The following CHCHD7 variants were observed in gnomAD, a reference collection of about 807,000 sequenced individuals.
CHCHD7 encodes coiled-coil-helix-coiled-coil-helix domain containing 7, also known as coiled-coil-helix-coiled-coil-helix domain-containing protein 7.
CHCHD7 carries 7 observed loss-of-function variants against 10.5 expected under a neutral mutation model. That is an observed-to-expected ratio of 0.67 (90% CI 0.38 to 1.25). The LOEUF is 1.25. Among genes scored for constraint, CHCHD7 ranks in the 50% most tolerant of loss-of-function variants. CHCHD7 has a pLI of 0.02. For synonymous variants in CHCHD7, 40 were observed against 36.0 expected, an observed-to-expected ratio of 1.11 and a Z score of -0.40; for missense variants, 100 against 104.5, an observed-to-expected ratio of 0.96 and a Z score of 0.19.
chr8:56,216,854 G>C (rs565445497), intron 3 of CHCHD7: 2 of 613,902 alleles, frequency 3.3e-6, no homozygotes, highest in East Asian at 6.0e-5. Context: ...AACTTCCCTT[G>C]TCATAACACA....
chr8:56,218,122 G>A lies in CHCHD7; in HGVS notation c.*687G>A, dbSNP rs887763102. ...TCTGTGATTAAAATCCTTAAATATT[G>A]GGTTGCCTTCTGCAGCTGTAGTATC... On this transcript the variant is annotated 3_prime_UTR_variant, in exon 4 of 4. Transcript: ENST00000355315. The A allele has an allele frequency of 4.4e-6, 1 of 227,888 alleles. No individual in the cohort carries two copies. The highest frequency in any genetic ancestry group is 8.7e-6 in the Non-Finnish European group (1 of 114,800). 14.1% of individuals were successfully genotyped at this position (227,888 alleles called of 1,614,324 possible).
At chr8:56,214,110 C>T (rs1013173834) in intron 1 of CHCHD7, 1 of 152,298 alleles carries the variant, frequency 6.6e-6, no homozygotes, top group African/African-American at 2.4e-5. Flanking sequence ...GGGTCTCTCT[C>T]TGTCACCCAG....
rs1813464094 is a variant in CHCHD7 at position 56,218,051 on chromosome 8, AAAAG to A, written c.*619_*622del. ...GGGTTTTTCTAAATAAATGACATAA[AAAAG>A]AACTGGTTGTCTTTCTTTAAAGAAA... is the stretch of plus-strand genomic sequence containing the variant. On this transcript the variant is annotated 3_prime_UTR_variant, in exon 4 of 4. Transcript: ENST00000355315. 8.7e-6 allele frequency: 2 copies of A among 229,118 alleles called. No homozygotes were observed. Among genetic ancestry groups the A allele is most frequent in the Non-Finnish European group, 1.7e-5 (2 of 115,516 alleles). 14.2% of individuals were successfully genotyped at this position (229,118 alleles called of 1,614,324 possible).
chr8:56,212,700 A>C, intron 1 of CHCHD7: 1 of 616,862 alleles, frequency 1.6e-6, no homozygotes. Flanking sequence ...TTAGCGGAGC[A>C]CTCGATGTTG....
intron 2 of CHCHD7, chr8:56,214,952 C>G (rs1184352103): frequency 3.6e-6 from 1 of 276,966 alleles, no homozygotes; most frequent in Non-Finnish European, 6.9e-6. Flanking sequence ...TTAGTCCAAA[C>G]ATGGAAAACT....
intron 1 of CHCHD7, chr8:56,214,329 C>T: frequency 4.1e-6 from 1 of 244,786 alleles, no homozygotes; most frequent in South Asian, 1.1e-4. Flanking sequence ...CTCCAGCCTC[C>T]CAAAGTGCTG....
intron 2 of CHCHD7, 145 bp from the exon 3 acceptor site, chr8:56,216,288 A>C: frequency 7.8e-7 from 1 of 1,275,522 alleles, no homozygotes; most frequent in Non-Finnish European, 1.1e-6. Context: ...GAGATTGTCC[A>C]GTTTTTATTA....
intron 2 of CHCHD7, 159 bp downstream of exon 2, chr8:56,214,826 G>T: frequency 1.2e-5 from 6 of 503,686 alleles, no homozygotes; most frequent in East Asian, 6.0e-5. Context: ...ATTTTTAGAT[G>T]TTTATAATTT....
At chr8:56,216,705 G>C (rs1284164009) in intron 3 of CHCHD7, 174 bp downstream of exon 3, 30 of 751,636 alleles carry the variant, frequency 4.0e-5, no homozygotes, top group Non-Finnish European at 6.3e-5. Context: ...GAGAGCTCTT[G>C]TTAGCTGCCT....
rs1450624468 is a variant in CHCHD7 at position 56,218,591 on chromosome 8, T to G, written c.*1156T>G. 4.9e-6 allele frequency: 1 copy of G among 204,394 alleles called. No individual in the cohort carries two copies. Among genetic ancestry groups the G allele is most frequent in the African/African-American group, 2.3e-5 (1 of 43,692 alleles). 12.7% of individuals were successfully genotyped at this position (204,394 alleles called of 1,614,324 possible). On this transcript the variant is annotated 3_prime_UTR_variant, in exon 4 of 4. Transcript: ENST00000355315. ...ACCTTGATTGTTAAATGTAGTTATA[T>G]TTGAATAAAAAATGAATCATTTCCA...
In CHCHD7 at chr8:56,217,348, G is replaced by A. The variant is rs36092278; in HGVS notation, c.171G>A (p.Gln57=). The A allele has an allele frequency of 6.2e-7, 1 of 1,609,444 alleles. No individual in the cohort carries two copies. Among genetic ancestry groups the A allele is most frequent in the African/African-American group, 1.3e-5 (1 of 74,816 alleles). Residue 57 remains glutamine (Q), a synonymous_variant, in exon 4 of 4, where the codon CAG becomes CAA. Transcript: ENST00000355315. The part of the protein sequence containing the change: ...CRRFWNSIVM[Q]RRKNGVKPFM... Reference sequence around the variant, plus strand: ...GTACACAGAATTCTATCGTGATGCAGAGAAGAAAGAACGGAGTGAAGCCAT... The same window carrying A: ...GTACACAGAATTCTATCGTGATGCAAAGAAGAAAGAACGGAGTGAAGCCAT...
chr8:56,215,227 A>G (rs1813271369), intron 2 of CHCHD7: 1 of 152,652 alleles, frequency 6.6e-6, no homozygotes, highest in Non-Finnish European at 1.5e-5. Flanking sequence ...TCCCATGAAA[A>G]TTATACTCTT....
rs991170973 is a variant in CHCHD7, at chr8:56,217,532, A to G, written c.*97A>G. The G allele has an allele frequency of 4.2e-5, 31 of 736,242 alleles. No individual in the cohort carries two copies. The East Asian group carries it at 8.0e-4, about 19-fold the overall frequency. 45.6% of individuals were successfully genotyped at this position (736,242 alleles called of 1,614,324 possible). The stretch of plus-strand genomic sequence containing the variant: ...TTAAGACTGTACACCCCTCACCCAG[A>G]CAGACCTTAAGTTCTTCAAGTGGAG... On this transcript the variant is annotated 3_prime_UTR_variant, in exon 4 of 4. Transcript: ENST00000355315.
chr8:56,214,870 C>T, intron 2 of CHCHD7: 1 of 464,024 alleles, frequency 2.2e-6, no homozygotes, highest in Non-Finnish European at 3.9e-6. Context: ...TTTAGTTTTC[C>T]TTATTTGTAT....
chr8:56,216,323 A>T, intron 2 of CHCHD7, 110 bp from the exon 3 acceptor site: 1 of 1,502,306 alleles, frequency 6.7e-7, no homozygotes, highest in South Asian at 1.3e-5. Flanking sequence ...ATGAACACAA[A>T]TGAACTATTT....
intron 1 of CHCHD7, 75 bp downstream of exon 1, chr8:56,211,912 C>T (rs1431867994): frequency 6.6e-6 from 1 of 152,392 alleles, no homozygotes; most frequent in Non-Finnish European, 1.5e-5. Context: ...TGGGCCGTAG[C>T]GGGGCCCGAA....
At chr8:56,212,591 C>T (rs1322420211) in intron 1 of CHCHD7, 12 of 391,328 alleles carry the variant, frequency 3.1e-5, no homozygotes, top group South Asian at 5.3e-5. Context: ...GCCCCTCCTT[C>T]ATATCTTTGC....
At chr8:56,213,004 G>A (rs951321983) in intron 1 of CHCHD7, 8 of 721,334 alleles carry the variant, frequency 1.1e-5, no homozygotes, top group African/African-American at 1.8e-5. Flanking sequence ...AAGGTTGTCT[G>A]ATCCTTGTTG....
chr8:56,217,126 A>G (rs1163864682), intron 3 of CHCHD7, among the ~76,000 whole-genome samples: 2 of 152,224 alleles, frequency 1.3e-5, no homozygotes, highest in Non-Finnish European at 2.9e-5. Context: ...TTCCTGTGGG[A>G]ATGAGTACTT....
Sources: gnomAD v4.1 joint callset for allele counts (sites outside exome capture counted in the v4.1 genomes callset) on GRCh38, gnomAD v4.1.1 for gene constraint, MANE v1.5 for transcripts, NCBI Gene and HGNC (gene_info 2026-07-23, HGNC 2026-07-21) for gene names.